The following STYX variants were observed in gnomAD, a reference collection of about 807,000 sequenced individuals.
STYX encodes the protein serine/threonine/tyrosine interacting protein, also known as serine/threonine/tyrosine-interacting protein.
In STYX, 20 loss-of-function variants were observed where a neutral mutation model predicts 42.7. The observed-to-expected ratio is 0.47, with a 90% CI of 0.33 to 0.68. STYX has a LOEUF of 0.68. Ranked by LOEUF, STYX falls within the 30% of genes least tolerant of loss-of-function variation. The pLI is 0.02. For missense variants in STYX, 226 were observed against 268.5 expected, an observed-to-expected ratio of 0.84 and a Z score of 1.11; for synonymous variants, 78 against 81.9, an observed-to-expected ratio of 0.95 and a Z score of 0.26.
intron 4 of STYX, among the ~76,000 whole-genome samples, chr14:52,754,108 T>C (rs992737962): frequency 1.3e-5 from 2 of 152,008 alleles, no homozygotes; most frequent in African/African-American, 4.8e-5. Flanking sequence ...CAGGCTGGTC[T>C]CAAACTCCTG....
At chr14:52,733,364 T>C (rs1357819062) in intron 1 of STYX, among the ~76,000 whole-genome samples, 1 of 152,098 alleles carries the variant, frequency 6.6e-6, no homozygotes, top group African/African-American at 2.4e-5. Context: ...ACCAGATGTG[T>C]GGGGGTTTTT....
chr14:52,763,983 A>C (rs1223078348), intron 9 of STYX, among the ~76,000 whole-genome samples: 1 of 151,888 alleles, frequency 6.6e-6, no homozygotes, highest in Non-Finnish European at 1.5e-5. Flanking sequence ...ACCCTGTTTA[A>C]ATTTCAGGGT....
In STYX at chr14:52,746,840, T is replaced by C. The variant is rs148166540; in HGVS notation, c.144+361T>C. ...TAAAGCCCAAAATAAGGAATTTCAATGTTTAGTTAAACCTTCCTTATCAAG... is the reference window on the plus strand; with the variant it reads ...TAAAGCCCAAAATAAGGAATTTCAACGTTTAGTTAAACCTTCCTTATCAAG... On this transcript the variant is annotated intron_variant, in intron 3 of 10. Transcript: ENST00000354586. Among the ~76,000 whole-genome samples the C allele has an allele frequency of 3.1e-3, 468 of 152,372 alleles. 3 individuals are homozygous for C. The highest frequency in any genetic ancestry group is 0.01 in the African/African-American group (436 of 41,594).
intron 9 of STYX, among the ~76,000 whole-genome samples, chr14:52,768,488 T>C (rs1368596302): frequency 6.6e-6 from 1 of 152,200 alleles, no homozygotes; most frequent in East Asian, 1.9e-4. Flanking sequence ...CCTTTATTCT[T>C]CTATCTATAA....
intron 9 of STYX, among the ~76,000 whole-genome samples, chr14:52,764,150 G>C (rs930194598): frequency 1.3e-5 from 2 of 151,786 alleles, no homozygotes; most frequent in Non-Finnish European, 2.9e-5. Context: ...GCATCACCAC[G>C]CCCGGCTAAT....
chr14:52,760,467 T>C (rs889170529), intron 9 of STYX, among the ~76,000 whole-genome samples: 4 of 152,200 alleles, frequency 2.6e-5, no homozygotes, highest in African/African-American at 9.6e-5. Context: ...AGATGATAAG[T>C]CTATGAATTA....
intron 9 of STYX, among the ~76,000 whole-genome samples, chr14:52,760,414 TG>T (rs1364486166): frequency 2.0e-5 from 3 of 152,286 alleles, no homozygotes; most frequent in Admixed American, 2.0e-4. Context: ...ATCTTTTCCA[TG>T]TTGTTTCATA....
Position 52,773,899 on chromosome 14 carries a change from A to C in STYX, c.*2793A>C, listed in dbSNP as rs1187428363. The C allele has an allele frequency of 6.6e-6, 1 of 152,166 alleles. No individual in the cohort carries two copies. Among genetic ancestry groups the C allele is most frequent in the Non-Finnish European group, 1.5e-5 (1 of 68,034 alleles). 9.4% of individuals were successfully genotyped at this position (152,166 alleles called of 1,614,324 possible). A position where few individuals can be genotyped will look rare whatever the true frequency, so the allele number is the denominator to read the frequency against. The stretch of plus-strand genomic sequence containing the variant: ...ATGTATGAGTGACCACCCAATTCCA[A>C]CATTAAAAGTGTAATCTGGGCCCAT... On this transcript the variant is annotated 3_prime_UTR_variant, in exon 11 of 11. Coordinates refer to ENST00000354586, the MANE Select transcript of STYX (RefSeq NM_145251.4).
Position 52,730,913 on chromosome 14 carries a change from C to T in STYX, c.57+382C>T, listed in dbSNP as rs371871553. On this transcript the variant is annotated intron_variant, in intron 1 of 10. Transcript: ENST00000354586. Reference sequence around the variant, plus strand: ...ACGATTCACTTGTGGGACACATGGCCCCACATGTGAAATAGACTCGGCGCC... The same window carrying T: ...ACGATTCACTTGTGGGACACATGGCTCCACATGTGAAATAGACTCGGCGCC... 2.0e-5 allele frequency among the ~76,000 whole-genome samples: 3 copies of T among 152,256 alleles called. No individual in the cohort carries two copies. The South Asian group carries it at 6.2e-4, about 32-fold the overall frequency.
chr14:52,741,514 T>TG (rs960899468), intron 1 of STYX, among the ~76,000 whole-genome samples: 3 of 152,130 alleles, frequency 2.0e-5, no homozygotes, highest in African/African-American at 7.2e-5. Flanking sequence ...CTCGGCTCAC[T>TG]GCAGCTTCCA....
intron 4 of STYX, among the ~76,000 whole-genome samples, chr14:52,751,786 A>G (rs1487546310): frequency 1.3e-5 from 2 of 152,214 alleles, no homozygotes; most frequent in African/African-American, 2.4e-5. Flanking sequence ...AAGTAACTCT[A>G]CTTTTTCTCT....
At chr14:52,753,925 A>G (rs1387664551) in intron 4 of STYX, among the ~76,000 whole-genome samples, 1 of 122,232 alleles carries the variant, frequency 8.2e-6, no homozygotes, top group Admixed American at 9.3e-5. Context: ...TTTTTGAGAC[A>G]GAGTCTCGCT....
At chr14:52,743,399 G>C (rs1051388909) in intron 1 of STYX, among the ~76,000 whole-genome samples, 4 of 151,872 alleles carry the variant, frequency 2.6e-5, no homozygotes, top group Non-Finnish European at 4.4e-5. Flanking sequence ...GGCTAACACG[G>C]TGAAACCCCG....
rs1470853306 is a variant in STYX at position 52,730,208 on chromosome 14, G to A, written c.-267G>A. ...CTGTGCTGGATCCTGGGCGGCCTGAGGGGTACGGAGACTCTGGGGGAGGGA... is the reference window on the plus strand; with the variant it reads ...CTGTGCTGGATCCTGGGCGGCCTGAAGGGTACGGAGACTCTGGGGGAGGGA... On this transcript the variant is annotated 5_prime_UTR_variant, in exon 1 of 11. Coordinates refer to ENST00000354586, the MANE Select transcript of STYX (RefSeq NM_145251.4). 1.9e-6 allele frequency: 1 copy of A among 517,308 alleles called. No homozygotes were observed. Among genetic ancestry groups the A allele is most frequent in the East Asian group, 3.3e-5 (1 of 30,336 alleles). The allele number at this position is 517,308 out of a possible 1,614,324, so 32.0% of individuals were successfully genotyped here.
chr14:52,760,795 TTTTTTTAAACTA>T (rs1465509741), intron 9 of STYX, among the ~76,000 whole-genome samples: 9 of 152,132 alleles, frequency 5.9e-5, no homozygotes, highest in Admixed American at 1.3e-4. Context: ...TTTTTTTCAT[TTTTTTTAAACTA>T]TTTTTTAAGC....
intron 4 of STYX, among the ~76,000 whole-genome samples, chr14:52,753,526 G>T (rs1450789019): frequency 6.6e-6 from 1 of 152,074 alleles, no homozygotes; most frequent in Admixed American, 6.6e-5. Context: ...ATCCATGGGG[G>T]ATTGCCTCCA....
chr14:52,757,606 G>C, intron 6 of STYX, 137 bp from the exon 7 acceptor site: 1 of 853,118 alleles, frequency 1.2e-6, no homozygotes, highest in Non-Finnish European at 1.8e-6. Flanking sequence ...CTACACAGTT[G>C]ATAATAACAA....
intron 8 of STYX, among the ~76,000 whole-genome samples, chr14:52,758,370 G>A (rs1388517327): frequency 1.3e-5 from 2 of 152,154 alleles, no homozygotes; most frequent in South Asian, 2.1e-4. Context: ...GATAGGGGGT[G>A]GTAATGAGCT....
intron 9 of STYX, among the ~76,000 whole-genome samples, chr14:52,768,579 A>T (rs1882396620): frequency 6.6e-6 from 1 of 152,140 alleles, no homozygotes. Flanking sequence ...GAAGTCAGAG[A>T]TCATTATAGC....
Sources: gnomAD v4.1 joint callset for allele counts (sites outside exome capture counted in the v4.1 genomes callset) on GRCh38, gnomAD v4.1.1 for gene constraint, MANE v1.5 for transcripts, NCBI Gene and HGNC (gene_info 2026-07-23, HGNC 2026-07-21) for gene names.